The following LRMDA variants were observed in gnomAD, a reference collection of about 807,000 sequenced individuals.
LRMDA encodes leucine rich melanocyte differentiation associated, also known as leucine-rich melanocyte differentiation-associated protein.
LRMDA carries 18 observed loss-of-function variants against 29.8 expected under a neutral mutation model. That is an observed-to-expected ratio of 0.60 (90% confidence interval 0.42 to 0.90). The LOEUF (loss-of-function observed/expected upper bound fraction) is 0.90, where lower values mean the gene tolerates loss of function less well. Ranked by LOEUF, LRMDA falls within the 40% of genes least tolerant of loss-of-function variation. LRMDA has a pLI of 0.00. For synonymous variants in LRMDA, 125 were observed against 109.4 expected (o/e 1.14, Z -0.89); for missense variants, 273 against 273.9 (o/e 1.00, Z 0.02).
intron 5 of LRMDA, among the ~76,000 whole-genome samples, chr10:76,219,384 GAC>G (rs1375145486): frequency 6.6e-6 from 1 of 152,056 alleles, no homozygotes; most frequent in Non-Finnish European, 1.5e-5. Flanking sequence ...CACGTGCAGA[GAC>G]ACACATAGGC....
At chr10:76,543,468 A>G (rs891908485) in intron 6 of LRMDA, among the ~76,000 whole-genome samples, 41 of 152,044 alleles carry the variant, frequency 2.7e-4, no homozygotes, top group African/African-American at 9.7e-4. Flanking sequence ...ATTGAAAGCC[A>G]TCATCATTTT....
intron 2 of LRMDA, among the ~76,000 whole-genome samples, chr10:75,561,887 C>T (rs9702209): frequency 0.75 from 113,573 of 151,898 alleles, 42,591 homozygotes; most frequent in East Asian, 0.85. Context: ...TGCACCGTGG[C>T]CTGAGTGACA....
At chr10:76,394,293 T>G (rs536930418) in intron 6 of LRMDA, among the ~76,000 whole-genome samples, 1 of 152,318 alleles carries the variant, frequency 6.6e-6, no homozygotes, top group African/African-American at 2.4e-5. Context: ...ATCTTTGCCT[T>G]CAGAGGGCAT....
intron 6 of LRMDA, among the ~76,000 whole-genome samples, chr10:76,536,398 G>A (rs1223549632): frequency 6.6e-6 from 1 of 151,848 alleles, no homozygotes; most frequent in East Asian, 1.9e-4. Flanking sequence ...GGTTCTCAAG[G>A]GTGGGCCCCA....
At chr10:76,187,679 G>C (rs1393285210) in intron 5 of LRMDA, among the ~76,000 whole-genome samples, 2 of 152,106 alleles carry the variant, frequency 1.3e-5, no homozygotes, top group Admixed American at 6.6e-5. Context: ...TGCTGGTATG[G>C]GGACAGAGGT....
chr10:75,890,779 C>T (rs920608122), intron 2 of LRMDA, among the ~76,000 whole-genome samples: 1 of 152,094 alleles, frequency 6.6e-6, no homozygotes, highest in Non-Finnish European at 1.5e-5. Context: ...GCTTGGCCCA[C>T]CTGAGAAAAC....
chr10:75,838,418 A>G (rs1844480106), intron 2 of LRMDA, among the ~76,000 whole-genome samples: 2 of 152,234 alleles, frequency 1.3e-5, no homozygotes, highest in Admixed American at 6.5e-5. Flanking sequence ...AATGACCAGA[A>G]TAAAACAATC....
intron 2 of LRMDA, among the ~76,000 whole-genome samples, chr10:75,480,918 G>A (rs944026241): frequency 6.6e-6 from 1 of 152,144 alleles, no homozygotes; most frequent in Non-Finnish European, 1.5e-5. Context: ...TGAGGCATGG[G>A]AGGAGTCACA....
chr10:75,519,508 CT>C (rs1222084004), intron 2 of LRMDA, among the ~76,000 whole-genome samples: 1 of 151,982 alleles, frequency 6.6e-6, no homozygotes, highest in Non-Finnish European at 1.5e-5. Context: ...GCACCTCCTG[CT>C]TTTTTTTGTT....
At chr10:76,449,052 T>A (rs955450798) in intron 6 of LRMDA, among the ~76,000 whole-genome samples, 1 of 151,962 alleles carries the variant, frequency 6.6e-6, no homozygotes, top group Non-Finnish European at 1.5e-5. Context: ...GAATACAGTT[T>A]TTTTCTTTCA....
chr10:75,457,017 A>G (rs541300345), intron 2 of LRMDA, among the ~76,000 whole-genome samples: 53 of 152,364 alleles, frequency 3.5e-4, no homozygotes, highest in Non-Finnish European at 6.2e-4. Context: ...TGCTTATTCT[A>G]GAAGAGGTAA....
intron 2 of LRMDA, among the ~76,000 whole-genome samples, chr10:75,802,605 G>A (rs1305520190): frequency 6.6e-6 from 1 of 152,052 alleles, no homozygotes; most frequent in Non-Finnish European, 1.5e-5. Context: ...TATCAAAAAG[G>A]GTAGTGTTGT....
At chr10:75,921,558 G>T (rs1846025459) in intron 2 of LRMDA, among the ~76,000 whole-genome samples, 1 of 152,224 alleles carries the variant, frequency 6.6e-6, no homozygotes, top group Non-Finnish European at 1.5e-5. Context: ...GAGATTTTCA[G>T]ATAGTCACTG....
chr10:75,593,949 C>T (rs1305771685), intron 2 of LRMDA, among the ~76,000 whole-genome samples: 1 of 152,216 alleles, frequency 6.6e-6, no homozygotes, highest in Admixed American at 6.5e-5. Context: ...CTCAACCTTG[C>T]CTGGTGCCCT....
chr10:75,785,000 G>A (rs1843448090), intron 2 of LRMDA, among the ~76,000 whole-genome samples: 1 of 152,294 alleles, frequency 6.6e-6, no homozygotes, highest in African/African-American at 2.4e-5. Flanking sequence ...TTCTCCATGC[G>A]CCTTCTGTAA....
intron 2 of LRMDA, among the ~76,000 whole-genome samples, chr10:75,674,468 C>T (rs753426781): frequency 6.6e-5 from 10 of 152,012 alleles, no homozygotes; most frequent in Non-Finnish European, 1.0e-4. Context: ...ATATGGAGAA[C>T]CTAGAGTTCC....
intron 5 of LRMDA, among the ~76,000 whole-genome samples, chr10:76,236,151 C>T (rs765089222): frequency 6.6e-6 from 1 of 152,180 alleles, no homozygotes; most frequent in Non-Finnish European, 1.5e-5. Context: ...CCCAGACAGT[C>T]TAGCTAGATC....
At chr10:76,195,246 G>C (rs886457157) in intron 5 of LRMDA, among the ~76,000 whole-genome samples, 3 of 152,172 alleles carry the variant, frequency 2.0e-5, no homozygotes, top group Non-Finnish European at 2.9e-5. Flanking sequence ...CACAACTTCC[G>C]GTTCTGGTGG....
intron 2 of LRMDA, among the ~76,000 whole-genome samples, chr10:75,534,430 C>T (rs796484564): frequency 4.3e-4 from 53 of 123,718 alleles, no homozygotes; most frequent in African/African-American, 1.3e-3. Flanking sequence ...TGTTTCTAGC[C>T]GTCCTGACTC....
Sources: gnomAD v4.1 joint callset for allele counts (sites outside exome capture counted in the v4.1 genomes callset) on GRCh38, gnomAD v4.1.1 for gene constraint, MANE v1.5 for transcripts, NCBI Gene and HGNC (gene_info 2026-07-23, HGNC 2026-07-21) for gene names.